CDK7: variants seen among roughly 807,000 people sequenced by gnomAD.
The protein encoded by CDK7 is cyclin-dependent kinase 7.
In CDK7, 25 loss-of-function variants were observed where a neutral mutation model predicts 49.1. The ratio of observed to expected loss-of-function variants is 0.51; its 90% CI spans 0.37 to 0.71. CDK7 has a LOEUF of 0.71. Ranked by LOEUF, CDK7 falls within the 30% of genes least tolerant of loss-of-function variation. CDK7 has a pLI of 0.00. For synonymous variants in CDK7, 107 were observed against 140.0 expected, an observed-to-expected ratio of 0.76 and a Z score of 1.67; for missense variants, 316 against 411.7, an observed-to-expected ratio of 0.77 and a Z score of 2.01.
intron 2 of CDK7, among the ~76,000 whole-genome samples, chr5:69,246,167 C>T (rs1213897416): frequency 2.0e-5 from 3 of 151,982 alleles, no homozygotes; most frequent in Admixed American, 6.6e-5. Flanking sequence ...GATGGAGTCT[C>T]GCTCTGTCGC....
At chr5:69,243,596 G>A (rs189091652) in intron 2 of CDK7, among the ~76,000 whole-genome samples, 5 of 151,956 alleles carry the variant, frequency 3.3e-5, no homozygotes, top group Admixed American at 3.3e-4. Flanking sequence ...TTTTTTCTTA[G>A]GATAGCTTTG....
At chr5:69,272,092 A>C (rs573667158) in intron 9 of CDK7, among the ~76,000 whole-genome samples, 2 of 152,230 alleles carry the variant, frequency 1.3e-5, no homozygotes, top group South Asian at 4.2e-4. Flanking sequence ...CACCCAGCCA[A>C]GTTCAGATTT....
At chr5:69,235,976 C>G (rs1052977507) in intron 2 of CDK7, among the ~76,000 whole-genome samples, 20 of 152,184 alleles carry the variant, frequency 1.3e-4, no homozygotes, top group Non-Finnish European at 2.2e-4. Context: ...CGCGGTGGCT[C>G]ACGCCTGTAA....
At chr5:69,252,602 G>T (rs1750223068) in intron 3 of CDK7, 151 bp downstream of exon 3, 1 of 567,724 alleles carries the variant, frequency 1.8e-6, no homozygotes, top group Non-Finnish European at 3.1e-6. Flanking sequence ...CTCAAACTTA[G>T]GTACTCAAGC....
chr5:69,248,807 T>TA (rs1390079213), intron 2 of CDK7, among the ~76,000 whole-genome samples: 1 of 144,822 alleles, frequency 6.9e-6, no homozygotes, highest in East Asian at 2.0e-4. Context: ...TTTTTCTTTT[T>TA]TTTTTTTTTT....
chr5:69,271,843 A>G (rs1348185062), intron 9 of CDK7, among the ~76,000 whole-genome samples: 1 of 151,594 alleles, frequency 6.6e-6, no homozygotes, highest in East Asian at 1.9e-4. Flanking sequence ...TTTTTTCTAC[A>G]AGTTTTGTAG....
At chr5:69,243,324 A>G (rs1381717903) in intron 2 of CDK7, among the ~76,000 whole-genome samples, 2 of 152,244 alleles carry the variant, frequency 1.3e-5, no homozygotes, top group African/African-American at 4.8e-5. Flanking sequence ...GTCAATGCAG[A>G]AGGCATCAAC....
intron 2 of CDK7, chr5:69,250,813 G>A (rs1300435248): frequency 2.2e-6 from 1 of 456,680 alleles, no homozygotes; most frequent in South Asian, 1.5e-5. Flanking sequence ...ATGTCTCGGA[G>A]TTTCACCTGA....
At chr5:69,260,237 C>T (rs1279735438) in intron 7 of CDK7, among the ~76,000 whole-genome samples, 1 of 152,090 alleles carries the variant, frequency 6.6e-6, no homozygotes, top group Non-Finnish European at 1.5e-5. Context: ...GTAATCCTAG[C>T]TACTCAGGAG....
At chr5:69,273,575 AAAAC>A (rs1291889184) in intron 10 of CDK7, among the ~76,000 whole-genome samples, 1 of 152,168 alleles carries the variant, frequency 6.6e-6, no homozygotes, top group Non-Finnish European at 1.5e-5. Context: ...TATTTGAAAT[AAAAC>A]AAAAACTGAA....
At chr5:69,256,863 GAAAA>G (rs918561938) in intron 5 of CDK7, among the ~76,000 whole-genome samples, 6 of 143,164 alleles carry the variant, frequency 4.2e-5, no homozygotes, top group Admixed American at 7.0e-5. Flanking sequence ...CTCGAAAAAA[GAAAA>G]AAAAAAGAAA....
intron 8 of CDK7, among the ~76,000 whole-genome samples, chr5:69,264,435 C>T (rs1751014987): frequency 6.6e-6 from 1 of 152,138 alleles, no homozygotes; most frequent in African/African-American, 2.4e-5. Flanking sequence ...GTCCCAGCTA[C>T]GTGCGAGGCT....
intron 8 of CDK7, among the ~76,000 whole-genome samples, chr5:69,267,472 T>C (rs148551318): frequency 1.1e-4 from 17 of 152,018 alleles, no homozygotes; most frequent in Non-Finnish European, 2.2e-4. Flanking sequence ...CTAGTTTTTG[T>C]ATTTTTTAGT....
chr5:69,253,752 A>C (rs564605936), intron 3 of CDK7, among the ~76,000 whole-genome samples: 1 of 152,322 alleles, frequency 6.6e-6, no homozygotes, highest in Non-Finnish European at 1.5e-5. Flanking sequence ...GGTATAGATA[A>C]GGTGAAATAT....
rs77458203 is a variant in CDK7 at position 69,249,235 on chromosome 5, A to G, written c.127-3183A>G. Among the ~76,000 whole-genome samples the G allele has an allele frequency of 7.7e-3, 1,173 of 151,902 alleles. 18 individuals carry two copies. Among genetic ancestry groups the G allele is most frequent in the African/African-American group, 0.027 (1,113 of 41,416 alleles). On this transcript the variant is annotated intron_variant, in intron 2 of 11. Coordinates refer to ENST00000256443, the MANE Select transcript of CDK7 (RefSeq NM_001799.4). ...ATTAATTCTGCCTTCTGCTTTATCA[A>G]TTCTGCTATTAAAAGGCTGATGCGG...
At chr5:69,234,867 ACGG>A (rs1748833193), upstream of CDK7, 3 of 1,128,184 alleles carry the variant, frequency 2.7e-6, no homozygotes, top group African/African-American at 4.6e-5. Flanking sequence ...TACTAAAGCG[ACGG>A]AGCCCGGTGG....
chr5:69,236,516 TA>T (rs1748984345), intron 2 of CDK7, among the ~76,000 whole-genome samples: 1 of 150,288 alleles, frequency 6.7e-6, no homozygotes, highest in East Asian at 1.9e-4. Flanking sequence ...CCTTGGAAGT[TA>T]TCCATATTTA....
intron 5 of CDK7, 29 bp downstream of exon 5, chr5:69,255,557 T>C: frequency 1.4e-6 from 2 of 1,389,848 alleles, no homozygotes; most frequent in Non-Finnish European, 1.0e-6. Flanking sequence ...GAGAAATTCC[T>C]TTGTCCCAGT....
chr5:69,238,718 G>A (rs1281221855), intron 2 of CDK7, among the ~76,000 whole-genome samples: 2 of 150,174 alleles, frequency 1.3e-5, no homozygotes, highest in Non-Finnish European at 3.0e-5. Flanking sequence ...GTGCAGTGGC[G>A]TGATCTCGGC....
Sources: gnomAD v4.1 joint callset for allele counts (sites outside exome capture counted in the v4.1 genomes callset) on GRCh38, gnomAD v4.1.1 for gene constraint, MANE v1.5 for transcripts, NCBI Gene and HGNC (gene_info 2026-07-23, HGNC 2026-07-21) for gene names.